The following TRIM21 variants were observed in gnomAD, a reference collection of about 807,000 sequenced individuals.
The protein encoded by TRIM21 is E3 ubiquitin-protein ligase TRIM21.
A neutral mutation model predicts 36.1 loss-of-function variants in TRIM21; 35 were observed. The ratio of observed to expected loss-of-function variants is 0.97; its 90% confidence interval spans 0.74 to 1.28. The LOEUF is 1.28. TRIM21 is among the 50% of genes most tolerant of loss of function. The pLI is 0.00. For missense variants in TRIM21, 635 were observed against 570.7 expected (o/e 1.11, Z -1.15); for synonymous variants, 256 against 211.5 (o/e 1.21, Z -1.83).
intron 4 of TRIM21, 32 bp downstream of exon 4, chr11:4,388,268 G>T (rs771396969): frequency 1.3e-6 from 2 of 1,571,290 alleles, no homozygotes; most frequent in Non-Finnish European, 1.7e-6. Flanking sequence ...GTTATTCCCT[G>T]AATTGTAGAA....
intron 5 of TRIM21, 49 bp from the exon 6 acceptor site, chr11:4,386,306 C>A: frequency 6.9e-7 from 1 of 1,444,668 alleles, no homozygotes; most frequent in Non-Finnish European, 9.7e-7. Context: ...CTATCCCAAA[C>A]CCTAACACTA....
At chr11:4,388,934 G>A (rs989899657) in intron 3 of TRIM21, among the ~76,000 whole-genome samples, 5 of 152,108 alleles carry the variant, frequency 3.3e-5, no homozygotes, top group African/African-American at 9.7e-5. Context: ...ACAAAGCCAG[G>A]CTCACGCCAC....
In TRIM21 at chr11:4,388,987, C is replaced by T. The variant is rs373774458; in HGVS notation, c.505-457G>A. 1.8e-3 allele frequency among the ~76,000 whole-genome samples: 276 copies of T among 152,262 alleles called. 3 individuals carry two copies. The highest frequency in any genetic ancestry group is 0.017 in the Middle Eastern group (5 of 294). On this transcript the variant is annotated intron_variant, in intron 3 of 6. Transcript: ENST00000254436. ...AAAGGGGGCTTGGGGACATTCTTTG[C>T]TTTTCCTCTCCTGTTAGTAACTGGA...
intron 3 of TRIM21, 120 bp from the exon 4 acceptor site, chr11:4,388,650 C>T (rs2094959276): frequency 3.2e-6 from 3 of 938,958 alleles, no homozygotes; most frequent in Non-Finnish European, 4.9e-6. Flanking sequence ...TCTGGGAAAA[C>T]ACACACACAT....
Position 4,390,112 on chromosome 11 carries a change from G to A in TRIM21, c.298C>T (p.His100Tyr). Residue 100 changes from histidine (H) to tyrosine (Y), a missense_variant, in exon 2 of 7, where the codon CAC becomes TAC. His to Tyr is a moderately conservative substitution (Grantham distance 83). Coordinates refer to ENST00000254436, the MANE Select transcript of TRIM21 (RefSeq NM_003141.4). ...TTCCCATCTTTCTCACAGAACAGGT[G>A]AAGTCTCTCTCCATGCACTGCACAC... The part of the protein sequence containing the change: ...ERCAVHGERL[H>Y]LFCEKDGKAL... The A allele has an allele frequency of 6.2e-7, 1 of 1,614,018 alleles. No individual in the cohort carries two copies. The highest frequency in any genetic ancestry group is 8.5e-7 in the Non-Finnish European group (1 of 1,179,900).
intron 2 of TRIM21, 79 bp downstream of exon 2, chr11:4,389,922 AC>A: frequency 6.4e-7 from 1 of 1,560,734 alleles, no homozygotes; most frequent in Non-Finnish European, 8.7e-7. Flanking sequence ...CCTTTCTCTA[AC>A]CCCTCCAATC....
intron 4 of TRIM21, among the ~76,000 whole-genome samples, chr11:4,387,755 C>T (rs10835993): frequency 0.28 from 42,237 of 151,844 alleles, 7,035 homozygotes; most frequent in East Asian, 0.4. Context: ...CGCTTGAACC[C>T]GGGAGGCGGA....
chr11:4,385,507 C>T lies in TRIM21; in HGVS notation c.1206G>A (p.Val402=). ...GGAAAATCCCAACTTGGCATGGAGGCACCTGAAGGTGGAGGGGAGTCTGGG... is the reference window on the plus strand; with the variant it reads ...GGAAAATCCCAACTTGGCATGGAGGTACCTGAAGGTGGAGGGGAGTCTGGG... ...TYPQTPLHLQ[V]PPCQVGIFLD... Residue 402 remains valine (V), a synonymous_variant, in exon 7 of 7, where the codon GTG becomes GTA. Transcript: ENST00000254436. 2 of 1,611,826 alleles carry T rather than the reference C, an allele frequency of 1.2e-6. No individual in the cohort carries two copies. Among genetic ancestry groups the T allele is most frequent in the Non-Finnish European group, 1.7e-6 (2 of 1,178,884 alleles).
Position 4,385,310 on chromosome 11 carries a change from C to A in TRIM21, c.1403G>T (p.Gly468Val). ...TCAATAGTCAGTGGATCCTTGTGAT[C>A]CAATATTCAGTGGACAGAGGGTTAG... ...APLTLCPLNI[G>V]SQGSTDY Residue 468 changes from glycine to valine, a missense_variant, in exon 7 of 7, where the codon GGA becomes GTA. By Grantham distance (109) the Gly-to-Val change is moderately radical. Transcript: ENST00000254436. The A allele has an allele frequency of 6.2e-7, 1 of 1,612,492 alleles. No homozygotes were observed. The highest frequency in any genetic ancestry group is 8.5e-7 in the Non-Finnish European group (1 of 1,179,648).
At position 4,385,809 on chromosome 11, in the gene TRIM21, G is replaced by C. The variant is rs1453835742; in HGVS notation, c.904C>G (p.Leu302Val). Residue 302 changes from leucine to valine, a missense_variant, in exon 7 of 7, where the codon CTT becomes GTT. Leu to Val is a conservative substitution (Grantham distance 32). Transcript: ENST00000254436. ...CTCACTTGTCTCCGATCTTCTGAAA[G>C]TATCAGCCACGGATTGGCTGTGTCT... The part of the protein sequence containing the change: ...DPDTANPWLI[L>V]SEDRRQVRLG... 1.2e-6 allele frequency: 2 copies of C among 1,613,388 alleles called. No homozygotes were observed. Among genetic ancestry groups the C allele is most frequent in the South Asian group, 2.2e-5 (2 of 90,862 alleles).
intron 1 of TRIM21, 55 bp downstream of exon 1, chr11:4,393,578 G>A (rs1160751249): frequency 6.6e-6 from 1 of 152,588 alleles, no homozygotes; most frequent in African/African-American, 2.4e-5. Flanking sequence ...CTGGGGCAGG[G>A]GAGAGAGGTC....
intron 6 of TRIM21, 81 bp downstream of exon 6, chr11:4,386,076 T>C (rs1475083963): frequency 6.5e-6 from 9 of 1,392,338 alleles, no homozygotes; most frequent in Admixed American, 3.5e-5. Context: ...CCATCTCTCC[T>C]CCAAGTTGCC....
intron 4 of TRIM21, among the ~76,000 whole-genome samples, chr11:4,387,512 A>T (rs1172436968): frequency 6.6e-6 from 1 of 152,150 alleles, no homozygotes; most frequent in Non-Finnish European, 1.5e-5. Flanking sequence ...ATTAGGCGCC[A>T]TTACATGGGA....
At chr11:4,387,459 C>A (rs2094957480) in intron 4 of TRIM21, among the ~76,000 whole-genome samples, 1 of 152,092 alleles carries the variant, frequency 6.6e-6, no homozygotes, top group African/African-American at 2.4e-5. Context: ...TTGCCTCTTC[C>A]TGTATGTGAA....
Position 4,386,190 on chromosome 11 carries a change from G to T in TRIM21, c.826C>A (p.Pro276Thr). Residue 276 changes from proline (P) to threonine (T), a missense_variant, in exon 6 of 7, where the codon CCA (proline) becomes ACA (threonine). By Grantham distance (38) the Pro-to-Thr change is conservative. Coordinates refer to ENST00000254436, the MANE Select transcript of TRIM21 (RefSeq NM_003141.4). ...SPELRSVCHV[P>T]GLKKMLRTCA... is the part of the protein sequence containing the mutation. ...GTCCTCAGCATCTTCTTCAGCCCTG[G>T]CACATGGCACACACTCCTGAGTTCT... The T allele has an allele frequency of 6.2e-7, 1 of 1,613,594 alleles. No homozygotes were observed. Among genetic ancestry groups the T allele is most frequent in the South Asian group, 1.1e-5 (1 of 91,058 alleles).
intron 5 of TRIM21, among the ~76,000 whole-genome samples, chr11:4,386,542 G>A (rs2094956507): frequency 6.6e-6 from 1 of 152,188 alleles, no homozygotes; most frequent in Non-Finnish European, 1.5e-5. Context: ...TTATAGGCAA[G>A]CAATCTGAGA....
intron 2 of TRIM21, 26 bp from the exon 3 acceptor site, chr11:4,389,775 C>G (rs764093152): frequency 1.2e-6 from 2 of 1,604,526 alleles, no homozygotes; most frequent in Non-Finnish European, 1.7e-6. Flanking sequence ...GCTTATTCGT[C>G]CCCCATGCAA....
At chr11:4,389,079 C>A (rs748695526) in intron 3 of TRIM21, among the ~76,000 whole-genome samples, 18 of 152,152 alleles carry the variant, frequency 1.2e-4, no homozygotes, top group Admixed American at 2.0e-4. Flanking sequence ...TACCTCAATC[C>A]CAAATCTTCC....
chr11:4,391,715 A>G (rs956889431), intron 1 of TRIM21, among the ~76,000 whole-genome samples: 2 of 152,254 alleles, frequency 1.3e-5, no homozygotes, highest in Non-Finnish European at 2.9e-5. Context: ...AAAATGTGGT[A>G]TGTATACACA....
Sources: allele counts gnomAD v4.1 joint callset (sites outside exome capture counted in the v4.1 genomes callset), GRCh38; gene constraint gnomAD v4.1.1; transcripts MANE v1.5; gene names NCBI Gene and HGNC (gene_info 2026-07-23, HGNC 2026-07-21).